Variants in MACROD2 observed in about 807,000 individuals in gnomAD.
MACROD2 encodes ADP-ribose glycohydrolase MACROD2.
Under a neutral mutation model 70.4 loss-of-function variants are expected in MACROD2, and 36 were observed. That is an observed-to-expected ratio of 0.51 (90% confidence interval 0.39 to 0.68). The LOEUF (loss-of-function observed/expected upper bound fraction) is 0.68, where lower values mean the gene tolerates loss of function less well. Ranked by LOEUF, MACROD2 falls within the 30% of genes least tolerant of loss-of-function variation. The pLI is 0.00. For synonymous variants in MACROD2, 172 were observed against 178.8 expected, an observed-to-expected ratio of 0.96 and a Z score of 0.30; for missense variants, 496 against 538.4, an observed-to-expected ratio of 0.92 and a Z score of 0.78.
chr20:14,779,897 G>T (rs971088999), intron 5 of MACROD2, among the ~76,000 whole-genome samples: 20 of 151,986 alleles, frequency 1.3e-4, no homozygotes, highest in Admixed American at 1.2e-3. Flanking sequence ...AAAGACAATG[G>T]CATATGCAGC....
chr20:14,580,627 G>C (rs989091868), intron 4 of MACROD2, among the ~76,000 whole-genome samples: 5 of 152,152 alleles, frequency 3.3e-5, no homozygotes, highest in Admixed American at 1.3e-4. Context: ...CAAAGCCCTG[G>C]CTTCTCTTAA....
At chr20:14,067,727 C>T (rs1369360646) in intron 2 of MACROD2, among the ~76,000 whole-genome samples, 2 of 152,128 alleles carry the variant, frequency 1.3e-5, no homozygotes, top group African/African-American at 4.8e-5. Flanking sequence ...CACATAGTCT[C>T]ATTAAAATAA....
chr20:14,497,692 G>A (rs889379007), intron 4 of MACROD2, among the ~76,000 whole-genome samples: 1 of 151,724 alleles, frequency 6.6e-6, no homozygotes, highest in Non-Finnish European at 1.5e-5. Context: ...GTTCCTGACA[G>A]AGTGGTAACT....
At chr20:14,308,442 T>C (rs990780975) in intron 3 of MACROD2, among the ~76,000 whole-genome samples, 1 of 152,126 alleles carries the variant, frequency 6.6e-6, no homozygotes, top group African/African-American at 2.4e-5. Context: ...GATAGATGCC[T>C]TTCTGTGAGG....
intron 5 of MACROD2, among the ~76,000 whole-genome samples, chr20:14,768,815 C>T (rs1324760651): frequency 6.6e-6 from 1 of 152,046 alleles, no homozygotes; most frequent in Non-Finnish European, 1.5e-5. Flanking sequence ...TGTTTGATTG[C>T]ACATATTCCT....
intron 7 of MACROD2, among the ~76,000 whole-genome samples, chr20:15,452,836 A>G (rs1406176758): frequency 3.3e-5 from 5 of 152,202 alleles, no homozygotes; most frequent in Non-Finnish European, 7.3e-5. Flanking sequence ...CCTCTCCCAG[A>G]CAACTGAGTA....
chr20:15,730,461 G>T (rs971015267), intron 8 of MACROD2, among the ~76,000 whole-genome samples: 1 of 152,108 alleles, frequency 6.6e-6, no homozygotes, highest in Non-Finnish European at 1.5e-5. Context: ...AGCTTAGTTT[G>T]GCTGGATATG....
At chr20:14,258,793 G>A (rs1418319262) in intron 3 of MACROD2, among the ~76,000 whole-genome samples, 8 of 152,118 alleles carry the variant, frequency 5.3e-5, no homozygotes, top group South Asian at 2.1e-4. Context: ...CTAAGCCAAC[G>A]TCTAGAAGAG....
At chr20:15,709,862 A>G (rs577704679) in intron 8 of MACROD2, among the ~76,000 whole-genome samples, 1 of 152,232 alleles carries the variant, frequency 6.6e-6, no homozygotes, top group African/African-American at 2.4e-5. Context: ...CTATAATACT[A>G]TAGAACACTA....
chr20:15,848,007 A>G (rs1239937572), intron 8 of MACROD2, among the ~76,000 whole-genome samples: 2 of 152,210 alleles, frequency 1.3e-5, no homozygotes, highest in Non-Finnish European at 2.9e-5. Context: ...AGAGTATAGC[A>G]GAGAAGTGTT....
intron 3 of MACROD2, among the ~76,000 whole-genome samples, chr20:14,216,684 G>T (rs1455726359): frequency 6.6e-6 from 1 of 152,034 alleles, no homozygotes; most frequent in Non-Finnish European, 1.5e-5. Flanking sequence ...ATTTCTTTCA[G>T]CAGTGTTTTG....
intron 10 of MACROD2, among the ~76,000 whole-genome samples, chr20:15,927,992 A>G (rs1334292367): frequency 6.6e-6 from 1 of 152,212 alleles, no homozygotes; most frequent in Non-Finnish European, 1.5e-5. Context: ...AGACACAACA[A>G]CTGAATGCTG....
At position 14,275,790 on chromosome 20, in the gene MACROD2, AAAC is replaced by A. The variant is rs1297085662; in HGVS notation, c.271+190066_271+190068del. ...GAACTCAAACAAATTTACAAGAAAA[AAAC>A]AACCCCATCAACAAGTGGGCGAAGG... On this transcript the variant is annotated intron_variant, in intron 3 of 17. Coordinates refer to ENST00000684519, the MANE Select transcript of MACROD2 (RefSeq NM_001351661.2). 9.1e-3 allele frequency among the ~76,000 whole-genome samples: 1,391 copies of A among 152,126 alleles called. 8 individuals are homozygous for A. The highest frequency in any genetic ancestry group is 0.024 in the Middle Eastern group (7 of 292).
At chr20:15,574,411 G>C (rs1276461920) in intron 8 of MACROD2, among the ~76,000 whole-genome samples, 1 of 152,016 alleles carries the variant, frequency 6.6e-6, no homozygotes, top group African/African-American at 2.4e-5. Context: ...GTTATATTTA[G>C]TTGGCTTTTT....
At chr20:14,063,461 C>T (rs2053714528) in intron 2 of MACROD2, among the ~76,000 whole-genome samples, 1 of 152,122 alleles carries the variant, frequency 6.6e-6, no homozygotes, top group African/African-American at 2.4e-5. Context: ...CCATGGTTGC[C>T]AGCAATGACA....
intron 5 of MACROD2, among the ~76,000 whole-genome samples, chr20:14,941,395 A>G (rs1048424415): frequency 1.3e-5 from 2 of 152,056 alleles, no homozygotes; most frequent in African/African-American, 4.8e-5. Flanking sequence ...GGCTTGAAAC[A>G]GGGACAGGTC....
chr20:15,057,848 C>CT (rs1370336777), intron 5 of MACROD2, among the ~76,000 whole-genome samples: 2 of 151,906 alleles, frequency 1.3e-5, no homozygotes, highest in Non-Finnish European at 2.9e-5. Context: ...TCAGAATGTT[C>CT]TTTTTTTTGA....
chr20:15,488,459 G>C (rs972856674), intron 7 of MACROD2, among the ~76,000 whole-genome samples: 7 of 152,202 alleles, frequency 4.6e-5, no homozygotes, highest in African/African-American at 1.7e-4. Flanking sequence ...AATTCCAGCA[G>C]GGTGGACACA....
chr20:14,762,512 A>G (rs1039488869), intron 5 of MACROD2, among the ~76,000 whole-genome samples: 1 of 152,182 alleles, frequency 6.6e-6, no homozygotes, highest in South Asian at 2.1e-4. Flanking sequence ...TTTTGATCAT[A>G]GGATTGGACA....
Sources: gnomAD v4.1 joint callset for allele counts (sites outside exome capture counted in the v4.1 genomes callset) on GRCh38, gnomAD v4.1.1 for gene constraint, MANE v1.5 for transcripts, NCBI Gene and HGNC (gene_info 2026-07-23, HGNC 2026-07-21) for gene names.